Variants in ZNF75D observed in about 807,000 individuals in gnomAD.
ZNF75D encodes zinc finger protein 75D.
Under a neutral mutation model 33.3 loss-of-function variants are expected in ZNF75D, and 33 were observed. The observed-to-expected ratio is 0.99, with a 90% CI of 0.75 to 1.32. ZNF75D has a LOEUF of 1.32. Ranked by LOEUF, ZNF75D falls within the 40% of genes most tolerant of loss-of-function variation. The probability of loss-of-function intolerance (pLI) is 0.00; values close to 1 mark genes in which losing one functional copy is unlikely to be tolerated. For missense variants in ZNF75D, 338 were observed against 367.5 expected (o/e 0.92, Z 0.66); for synonymous variants, 113 against 130.6 (o/e 0.87, Z 0.92).
At chrX:135,269,094 T>C (rs1556416634) in intron 1 of ZNF75D, among the ~76,000 whole-genome samples, 1 of 111,605 alleles carries the variant, frequency 9.0e-6, no homozygotes, top group Non-Finnish European at 1.9e-5. Context: ...TATACAAAAG[T>C]AAAATAAAAA....
intron 1 of ZNF75D, among the ~76,000 whole-genome samples, chrX:135,333,984 C>T (rs1473228609): frequency 8.9e-6 from 1 of 111,760 alleles, no homozygotes; most frequent in East Asian, 2.8e-4. Context: ...CCTTAATAAT[C>T]CAGTTTACTT....
At chrX:135,310,339 C>T (rs1424579263) in intron 1 of ZNF75D, among the ~76,000 whole-genome samples, 3 of 111,591 alleles carry the variant, frequency 2.7e-5, no homozygotes, top group Admixed American at 9.5e-5. Context: ...CATTGAAAAA[C>T]CTCTGTCCCT....
At chrX:135,258,360 G>A (rs1199838358) in intron 1 of ZNF75D, among the ~76,000 whole-genome samples, 1 of 110,433 alleles carries the variant, frequency 9.1e-6, no homozygotes, top group Non-Finnish European at 1.9e-5. Flanking sequence ...AGATCCTTGA[G>A]GAATCGCCAC....
chrX:135,277,085 T>C (rs782028399), intron 1 of ZNF75D, among the ~76,000 whole-genome samples: 1 of 112,362 alleles, frequency 8.9e-6, no homozygotes, highest in South Asian at 3.7e-4. Context: ...CCACAATGGT[T>C]GAACTAATTT....
intron 1 of ZNF75D, among the ~76,000 whole-genome samples, chrX:135,323,826 G>T: frequency 8.9e-6 from 1 of 111,799 alleles, no homozygotes; most frequent in East Asian, 2.8e-4. Context: ...GCAGAGCAAA[G>T]AAACATAGCT....
rs782026342 is a variant in ZNF75D, at chrX:135,337,911, T to C, written c.-391+3857A>G. ...GGGAGCAAGGACAGGGTGCATCTCA[T>C]GTCAATTTGGTGTGTGAGGTAAGCA... On this transcript the variant is annotated intron_variant, in intron 1 of 6. Coordinates refer to ENST00000370766, the MANE Select transcript of ZNF75D (RefSeq NM_007131.5). 3.0e-4 allele frequency among the ~76,000 whole-genome samples: 33 copies of C among 110,657 alleles called. No individual in the cohort carries two copies. The South Asian group carries it at 6.3e-3, about 21-fold the overall frequency.
rs1024696700 is a variant in ZNF75D, at chrX:135,320,527, T to C, written c.-391+21241A>G. On this transcript the variant is annotated intron_variant, in intron 1 of 6. Transcript: ENST00000370766. The stretch of plus-strand genomic sequence containing the variant: ...ACTGCTTATAGCCCTTATCTGGTTG[T>C]CTGGTTACTGTTTTATTGTATATAC... 1.9e-4 allele frequency among the ~76,000 whole-genome samples: 21 copies of C among 111,828 alleles called. No homozygotes were observed. In the East Asian group the frequency reaches 4.2e-3, roughly 22 times the overall value.
chrX:135,341,290 A>T (rs1210977269), intron 1 of ZNF75D, among the ~76,000 whole-genome samples: 1 of 112,026 alleles, frequency 8.9e-6, no homozygotes, highest in Non-Finnish European at 1.9e-5. Context: ...GCTTTCCCCA[A>T]AGAGATCTAT....
At chrX:135,330,430 A>G (rs1218977595) in intron 1 of ZNF75D, 2 of 112,194 alleles carry the variant, frequency 1.8e-5, no homozygotes, top group Non-Finnish European at 3.8e-5. Flanking sequence ...GTCACGGACA[A>G]AGGACTCTCT....
At chrX:135,289,763 A>G (rs1305252323) in intron 6 of ZNF75D, among the ~76,000 whole-genome samples, 59 of 111,739 alleles carry the variant, frequency 5.3e-4, no homozygotes, top group Non-Finnish European at 6.2e-4. Flanking sequence ...AGCAAGAGCT[A>G]TGTTCTAGGA....
At chrX:135,260,674 T>C (rs958882446) in intron 1 of ZNF75D, among the ~76,000 whole-genome samples, 10 of 112,221 alleles carry the variant, frequency 8.9e-5, no homozygotes, top group Non-Finnish European at 1.3e-4. Context: ...TGTGTATATT[T>C]GATTCTTCTC....
chrX:135,322,564 A>G (rs374780976), intron 1 of ZNF75D, among the ~76,000 whole-genome samples: 6 of 112,404 alleles, frequency 5.3e-5, no homozygotes, highest in African/African-American at 1.9e-4. Context: ...ATAGACAGAT[A>G]GGATAGATAT....
At position 135,293,990 on chromosome X, in the gene ZNF75D, G is replaced by T. The variant is rs781820643; in HGVS notation, c.151C>A (p.His51Asn). The change falls in exon 3 of 7, where the codon CAC (histidine) becomes AAC (asparagine). Residue 51 changes from histidine (H) to asparagine (N), a missense_variant. Coordinates refer to ENST00000370766, the MANE Select transcript of ZNF75D (RefSeq NM_007131.5). ...TCATGATAACGGAAGCTCCAGAAGT[G>T]CCTGCAAGCGCTCTCAGGACCAAGA... Reference protein sequence around the residue: ...ENLGPESACRHFWSFRYHEAT... With the variant: ...ENLGPESACRNFWSFRYHEAT... 1 of 1,211,914 alleles carries T rather than the reference G, an allele frequency of 8.3e-7. No individual in the cohort carries two copies. Among genetic ancestry groups the T allele is most frequent in the East Asian group, 3.0e-5 (1 of 33,842 alleles).
downstream of ZNF75D, among the ~76,000 whole-genome samples, chrX:135,284,747 G>C (rs1333914182): frequency 2.8e-5 from 3 of 108,465 alleles, no homozygotes; most frequent in African/African-American, 1.0e-4. Flanking sequence ...TGCACGATAA[G>C]CTTTGAAGGT....
chrX:135,271,276 G>T (rs2083882168), intron 1 of ZNF75D, among the ~76,000 whole-genome samples: 1 of 111,771 alleles, frequency 8.9e-6, no homozygotes, highest in African/African-American at 3.3e-5. Context: ...CGGTATTAGG[G>T]AGCTTGTTTG....
At chrX:135,267,346 A>G (rs1055050119) in intron 1 of ZNF75D, among the ~76,000 whole-genome samples, 2 of 111,567 alleles carry the variant, frequency 1.8e-5, no homozygotes, top group Non-Finnish European at 3.8e-5. Context: ...TTAAAAGATA[A>G]ACAAAATTGG....
downstream of ZNF75D, among the ~76,000 whole-genome samples, chrX:135,283,909 C>T (rs978699941): frequency 1.8e-5 from 2 of 111,834 alleles, no homozygotes; most frequent in Admixed American, 9.5e-5. Context: ...TCATCCACAG[C>T]AAGCAATGGC....
At chrX:135,332,964 G>A (rs1258451058) in intron 1 of ZNF75D, among the ~76,000 whole-genome samples, 1 of 111,853 alleles carries the variant, frequency 8.9e-6, no homozygotes, top group Admixed American at 9.5e-5. Context: ...CAGAAGGAAA[G>A]TACCCTTCAC....
intron 1 of ZNF75D, among the ~76,000 whole-genome samples, chrX:135,317,396 T>C (rs1422547147): frequency 1.8e-5 from 2 of 111,318 alleles, no homozygotes; most frequent in African/African-American, 6.6e-5. Context: ...GGTCCCAGGG[T>C]GGCGTACACT....
Sources: gnomAD v4.1 joint callset for allele counts (sites outside exome capture counted in the v4.1 genomes callset) on GRCh38, gnomAD v4.1.1 for gene constraint, MANE v1.5 for transcripts, NCBI Gene and HGNC (gene_info 2026-07-23, HGNC 2026-07-21) for gene names.